UTP20: variants seen among roughly 807,000 people sequenced by gnomAD.
The protein encoded by UTP20 is UTP20 small subunit processome component.
UTP20 carries 164 observed loss-of-function variants against 329.5 expected under a neutral mutation model. The ratio of observed to expected loss-of-function variants is 0.50; its 90% confidence interval spans 0.44 to 0.57. The LOEUF (loss-of-function observed/expected upper bound fraction) is 0.57. UTP20 is among the 20% of genes least tolerant of loss of function. The pLI is 0.00. For missense variants in UTP20, 3,055 were observed against 3,284.2 expected (o/e 0.93, Z 1.71); for synonymous variants, 1,151 against 1,159.3 (o/e 0.99, Z 0.14).
chr12:101,340,686 T>A, intron 32 of UTP20, 76 bp downstream of exon 32: 4 of 892,042 alleles, frequency 4.5e-6, no homozygotes, highest in Non-Finnish European at 7.2e-6. Flanking sequence ...AGCAGCAATT[T>A]TACTGGCTAG....
In UTP20 at chr12:101,365,072, T is replaced by TTGTGTGTGTGTGTGTG. The variant is rs60890980; in HGVS notation, c.5959-363_5959-348dup. ...ATGAGGAGTGAATACATTTTGTTGATTGTGTGTGTGTGTGTGTGTGTGTGT... is the reference window on the plus strand; with the variant it reads ...ATGAGGAGTGAATACATTTTGTTGATTGTGTGTGTGTGTGTGTGTGTGTGTGTGTGTGTGTGTGTGT... On this transcript the variant is annotated intron_variant, in intron 45 of 61. Transcript: ENST00000261637. 1.2e-3 allele frequency among the ~76,000 whole-genome samples: 171 copies of TTGTGTGTGTGTGTGTG among 142,002 alleles called. 2 individuals carry two copies. The highest frequency in any genetic ancestry group is 3.9e-3 in the African/African-American group (142 of 36,854). 93.2% of individuals were successfully genotyped at this position (142,002 alleles called of 152,430 possible).
At chr12:101,293,927 G>A (rs7972057) in intron 11 of UTP20, among the ~76,000 whole-genome samples, 24,829 of 151,664 alleles carry the variant, frequency 0.16, 4,647 homozygotes, top group East Asian at 0.47. Context: ...CTGCTTACAC[G>A]TCTGTAGTTT....
At chr12:101,362,598 G>C (rs1004746777) in intron 44 of UTP20, among the ~76,000 whole-genome samples, 5 of 119,306 alleles carry the variant, frequency 4.2e-5, no homozygotes, top group Non-Finnish European at 7.5e-5. Flanking sequence ...CAGCTACCCA[G>C]GAGGCTGAAG....
intron 27 of UTP20, 32 bp downstream of exon 27, chr12:101,329,481 G>C (rs758525104): frequency 6.4e-7 from 1 of 1,568,604 alleles, no homozygotes; most frequent in Admixed American, 1.7e-5. Flanking sequence ...TTCAAGTCAA[G>C]TGCTTGAACT....
At chr12:101,289,293 C>T (rs1164806592) in intron 6 of UTP20, among the ~76,000 whole-genome samples, 1 of 152,034 alleles carries the variant, frequency 6.6e-6, no homozygotes, top group African/African-American at 2.4e-5. Flanking sequence ...ATGAGAATTG[C>T]TTGAGCCCAG....
chr12:101,353,564 A>G (rs1371688483), intron 40 of UTP20, among the ~76,000 whole-genome samples: 1 of 152,216 alleles, frequency 6.6e-6, no homozygotes, highest in African/African-American at 2.4e-5. Flanking sequence ...GGCCAGAGAC[A>G]GTGGCTCACA....
chr12:101,344,317 G>C (rs1440878343), intron 35 of UTP20, among the ~76,000 whole-genome samples: 3 of 152,214 alleles, frequency 2.0e-5, no homozygotes, highest in African/African-American at 7.2e-5. Flanking sequence ...TAGACTGCCT[G>C]CTTTGGGAAG....
intron 58 of UTP20, 58 bp from the exon 59 acceptor site, chr12:101,382,983 C>T (rs1870698758): frequency 6.5e-7 from 1 of 1,544,134 alleles, no homozygotes; most frequent in African/African-American, 1.4e-5. Context: ...CTCTACTAAG[C>T]CTTATTTATT....
intron 14 of UTP20, among the ~76,000 whole-genome samples, chr12:101,301,430 G>A (rs919308961): frequency 6.6e-6 from 1 of 152,206 alleles, no homozygotes; most frequent in Non-Finnish European, 1.5e-5. Flanking sequence ...CACTTTGCGA[G>A]GCCGAAGTGA....
chr12:101,383,226 C>A lies in UTP20; in HGVS notation c.7842C>A (p.Gly2614=). The change falls in exon 59 of 62, where the codon GGC becomes GGA. Residue 2614 remains glycine (G), a synonymous_variant. Coordinates refer to ENST00000261637, the MANE Select transcript of UTP20 (RefSeq NM_014503.3). The stretch of plus-strand genomic sequence containing the variant: ...AGGAAGAGGTGAAGGAAGAGCTCGG[C>A]AGGCCGGCCACGCTGCTGTGGTTGA... ...EEKEEVKEEL[G]RPATLLWLIQ... 6.2e-7 allele frequency: 1 copy of A among 1,614,206 alleles called. No individual in the cohort carries two copies. Among genetic ancestry groups the A allele is most frequent in the Non-Finnish European group, 8.5e-7 (1 of 1,180,040 alleles).
rs748275007 is a variant in UTP20 at position 101,338,295 on chromosome 12, G to A, written c.3868+18G>A. ...CATCGGTGGTATGTATGCTGACAAAGCAGATAATTCTTAGACTTCTGCTGT... is the reference window on the plus strand; with the variant it reads ...CATCGGTGGTATGTATGCTGACAAAACAGATAATTCTTAGACTTCTGCTGT... On this transcript the variant is annotated intron_variant, in intron 30 of 61. Transcript: ENST00000261637. 6 of 1,610,634 alleles carry A rather than the reference G, an allele frequency of 3.7e-6. No individual in the cohort carries two copies. The highest frequency in any genetic ancestry group is 5.1e-6 in the Non-Finnish European group (6 of 1,176,982).
Position 101,280,325 on chromosome 12 carries a change from C to T in UTP20, c.43C>T (p.Arg15Trp), listed in dbSNP as rs1431885310. ...TTCCCACAAGACCGAGAACACCTAC[C>T]GGGTGAGCGCGGGAGCTTAGGCAGG... ...PVSHKTENTYRFLTFAERLGN... is the reference protein window; with the variant it reads ...PVSHKTENTYWFLTFAERLGN... Residue 15 changes from arginine to tryptophan, a missense_variant and splice_region_variant, in exon 1 of 62, where the codon CGG becomes TGG. Around this residue, in one of 3 missense-constraint regions of UTP20, gnomAD observed 2,445 missense variants for 2,575.5 expected, o/e 0.95. Transcript: ENST00000261637. The T allele has an allele frequency of 6.4e-7, 1 of 1,551,718 alleles. No individual in the cohort carries two copies. Among genetic ancestry groups the T allele is most frequent in the African/African-American group, 1.4e-5 (1 of 73,178 alleles).
intron 2 of UTP20, among the ~76,000 whole-genome samples, chr12:101,282,087 A>T (rs1593414205): frequency 6.6e-6 from 1 of 152,080 alleles, no homozygotes; most frequent in South Asian, 2.1e-4. Flanking sequence ...ACATGCCTAT[A>T]CCTTGGCGAT....
intron 1 of UTP20, 98 bp downstream of exon 1, chr12:101,280,425 C>G (rs1316630061): frequency 1.4e-6 from 2 of 1,435,974 alleles, no homozygotes; most frequent in South Asian, 2.5e-5. Context: ...ACTTCTGGGC[C>G]GAGTGTGTCA....
intron 48 of UTP20, among the ~76,000 whole-genome samples, chr12:101,368,422 C>T (rs114657404): frequency 6.1e-4 from 93 of 152,188 alleles, no homozygotes; most frequent in African/African-American, 1.9e-3. Context: ...CATGAGCCAC[C>T]GTGCCCGGCC....
Position 101,383,570 on chromosome 12 carries a change from G to A in UTP20, c.7957G>A (p.Ala2653Thr), listed in dbSNP as rs779591681. The change falls in exon 60 of 62, where the codon GCC (alanine) becomes ACC (threonine). Residue 2653 changes from alanine (A) to threonine (T), a missense_variant. Coordinates refer to ENST00000261637, the MANE Select transcript of UTP20 (RefSeq NM_014503.3). ...KRTCIFKFLGAVAMDLGIDKV... is the reference protein window; with the variant it reads ...KRTCIFKFLGTVAMDLGIDKV... The stretch of plus-strand genomic sequence containing the variant: ...AACATGCATCTTTAAGTTCCTCGGC[G>A]CCGTAGCAATGGATCTTGGGATAGA... The A allele has an allele frequency of 1.1e-5, 18 of 1,613,128 alleles. No individual in the cohort carries two copies. The highest frequency in any genetic ancestry group is 4.5e-5 in the East Asian group (2 of 44,882).
At chr12:101,382,714 A>G (rs564887622) in intron 58 of UTP20, among the ~76,000 whole-genome samples, 4 of 152,160 alleles carry the variant, frequency 2.6e-5, no homozygotes, top group Non-Finnish European at 4.4e-5. Flanking sequence ...TTAGCCAGGC[A>G]TGGTGGTGCA....
intron 38 of UTP20, among the ~76,000 whole-genome samples, chr12:101,348,719 G>GTTTTTT (rs1869414038): frequency 2.2e-5 from 3 of 139,124 alleles, no homozygotes; most frequent in African/African-American, 7.8e-5. Context: ...CTTTTTTTGT[G>GTTTTTT]TGTATGTGAG....
rs144706143 is a variant in UTP20 at position 101,345,515 on chromosome 12, T to C, written c.4606-39T>C. 1,167 of 1,321,276 alleles carry C rather than the reference T, an allele frequency of 8.8e-4. 23 individuals are homozygous for C. The East Asian group carries it at 0.021, about 24-fold the overall frequency. 81.8% of individuals were successfully genotyped at this position (1,321,276 alleles called of 1,614,324 possible). On this transcript the variant is annotated intron_variant, in intron 36 of 61. Coordinates refer to ENST00000261637, the MANE Select transcript of UTP20 (RefSeq NM_014503.3). ...TTCCTCATATTAGAAACAAATTCTT[T>C]TTAAAATAAAATGTTTTTTCTCCAC... is the stretch of plus-strand genomic sequence containing the variant.
Sources: gnomAD v4.1 joint callset for allele counts (sites outside exome capture counted in the v4.1 genomes callset) on GRCh38, gnomAD v4.1.1 for gene constraint, gnomAD v4.1.1 regional missense constraint, MANE v1.5 for transcripts, NCBI Gene and HGNC (gene_info 2026-07-23, HGNC 2026-07-21) for gene names.